HS6ST3: variants seen among roughly 807,000 people sequenced by gnomAD.
HS6ST3 encodes heparan sulfate 6-O-sulfotransferase 3, also known as heparan-sulfate 6-O-sulfotransferase 3.
A neutral mutation model predicts 36.7 loss-of-function variants in HS6ST3; 12 were observed. The observed-to-expected ratio is 0.33, with a 90% CI of 0.21 to 0.53. The LOEUF is 0.53. HS6ST3 is among the 20% of genes least tolerant of loss of function. HS6ST3 has a pLI of 0.95. For missense variants in HS6ST3, 584 were observed against 640.9 expected, an observed-to-expected ratio of 0.91 and a Z score of 0.96; for synonymous variants, 240 against 257.5, an observed-to-expected ratio of 0.93 and a Z score of 0.65.
At chr13:96,432,815 A>G (rs2055621987) in intron 1 of HS6ST3, among the ~76,000 whole-genome samples, 1 of 152,252 alleles carries the variant, frequency 6.6e-6, no homozygotes, top group Non-Finnish European at 1.5e-5. Flanking sequence ...TAACTTTATT[A>G]TCATGTTGCA....
Position 96,329,873 on chromosome 13 carries a change from G to T in HS6ST3, c.707+238304G>T, listed in dbSNP as rs1263045754. The stretch of plus-strand genomic sequence containing the variant: ...TTATGAATCTGGGTGCTCCTGTATT[G>T]GGTGCATATATATTTAGGATAGTTA... On this transcript the variant is annotated intron_variant, in intron 1 of 1. Coordinates refer to ENST00000376705, the MANE Select transcript of HS6ST3 (RefSeq NM_153456.4). Among the ~76,000 whole-genome samples the T allele has an allele frequency of 4.8e-3, 656 of 137,080 alleles. 1 individual carries two copies. The highest frequency in any genetic ancestry group is 0.023 in the East Asian group (102 of 4,456). 89.9% of individuals were successfully genotyped at this position (137,080 alleles called of 152,430 possible).
intron 1 of HS6ST3, among the ~76,000 whole-genome samples, chr13:96,821,925 A>AAT (rs1473716160): frequency 4.6e-5 from 7 of 152,230 alleles, no homozygotes; most frequent in African/African-American, 1.2e-4. Flanking sequence ...ATAGATTCTA[A>AAT]ATATTGGCAC....
At chr13:96,092,821 G>A (rs2053771374) in intron 1 of HS6ST3, among the ~76,000 whole-genome samples, 1 of 152,126 alleles carries the variant, frequency 6.6e-6, no homozygotes, top group Admixed American at 6.6e-5. Context: ...CAATTCTTCA[G>A]ATACTTTCCT....
At chr13:96,206,748 C>T (rs1000292854) in intron 1 of HS6ST3, among the ~76,000 whole-genome samples, 23 of 152,168 alleles carry the variant, frequency 1.5e-4, no homozygotes, top group East Asian at 1.2e-3. Context: ...GGACAACTGG[C>T]GAGCCATATG....
intron 1 of HS6ST3, among the ~76,000 whole-genome samples, chr13:96,140,033 T>C (rs1244774680): frequency 6.6e-6 from 1 of 152,030 alleles, no homozygotes; most frequent in Non-Finnish European, 1.5e-5. Flanking sequence ...CCGTGTAGCC[T>C]AGAAATTTCA....
At chr13:96,452,275 G>C (rs2055731810) in intron 1 of HS6ST3, among the ~76,000 whole-genome samples, 1 of 152,184 alleles carries the variant, frequency 6.6e-6, no homozygotes, top group South Asian at 2.1e-4. Context: ...CTGTCTTTTG[G>C]AACAATATTG....
Position 96,706,423 on chromosome 13 carries a change from A to ATG in HS6ST3, c.708-126066_708-126065insGT, listed in dbSNP as rs71834216. Among the ~76,000 whole-genome samples the ATG allele has an allele frequency of 2.3e-5, 3 of 127,884 alleles. No individual in the cohort carries two copies. The East Asian group carries it at 6.0e-4, about 26-fold the overall frequency. 83.9% of individuals were successfully genotyped at this position (127,884 alleles called of 152,430 possible). ...ATAATAGAATATATTTTATATATAT[A>ATG]TATATATATATATATATAATCAGGG... On this transcript the variant is annotated intron_variant, in intron 1 of 1. Coordinates refer to ENST00000376705, the MANE Select transcript of HS6ST3 (RefSeq NM_153456.4).
intron 1 of HS6ST3, among the ~76,000 whole-genome samples, chr13:96,543,192 C>A (rs997971356): frequency 3.9e-5 from 6 of 152,158 alleles, no homozygotes; most frequent in African/African-American, 1.4e-4. Context: ...CAGCTCCCAG[C>A]AGTGCATTTC....
chr13:96,467,375 G>A (rs572123133), intron 1 of HS6ST3, among the ~76,000 whole-genome samples: 7 of 152,224 alleles, frequency 4.6e-5, no homozygotes, highest in South Asian at 2.1e-4. Context: ...AATTAGTCTC[G>A]TAGGAAAAGA....
intron 1 of HS6ST3, among the ~76,000 whole-genome samples, chr13:96,593,109 G>GTATGCTTCATTGTT (rs2056388482): frequency 6.8e-6 from 1 of 147,268 alleles, no homozygotes; most frequent in African/African-American, 2.5e-5. Flanking sequence ...AATTTTGTAA[G>GTATGCTTCATTGTT]TATGCTTCAT....
At chr13:96,313,165 G>A (rs2054950361) in intron 1 of HS6ST3, among the ~76,000 whole-genome samples, 1 of 151,948 alleles carries the variant, frequency 6.6e-6, no homozygotes. Context: ...CTGCCTCGAG[G>A]TAGCTGCTGG....
At chr13:96,632,801 T>G (rs2139001753) in intron 1 of HS6ST3, among the ~76,000 whole-genome samples, 1 of 152,328 alleles carries the variant, frequency 6.6e-6, no homozygotes, top group Middle Eastern at 3.4e-3. Context: ...GGAACTTTGA[T>G]AGTTCAGGCT....
chr13:96,781,414 A>T (rs925979110), intron 1 of HS6ST3, among the ~76,000 whole-genome samples: 9 of 152,222 alleles, frequency 5.9e-5, no homozygotes, highest in African/African-American at 2.2e-4. Flanking sequence ...TCTACATAGC[A>T]GGCTTGAGCC....
At chr13:96,588,233 T>C (rs1237811331) in intron 1 of HS6ST3, among the ~76,000 whole-genome samples, 1 of 151,862 alleles carries the variant, frequency 6.6e-6, no homozygotes, top group African/African-American at 2.4e-5. Context: ...TTTTCTTGCT[T>C]AACTACTCTA....
intron 1 of HS6ST3, among the ~76,000 whole-genome samples, chr13:96,128,213 T>C (rs2053960613): frequency 6.6e-6 from 1 of 152,204 alleles, no homozygotes; most frequent in East Asian, 1.9e-4. Context: ...ACGGGTGGGA[T>C]CAAAACTTTC....
intron 1 of HS6ST3, among the ~76,000 whole-genome samples, chr13:96,621,556 A>T (rs2056495195): frequency 6.6e-6 from 1 of 152,132 alleles, no homozygotes; most frequent in African/African-American, 2.4e-5. Context: ...TTATAGTGTG[A>T]AAACAGGCTA....
intron 1 of HS6ST3, among the ~76,000 whole-genome samples, chr13:96,680,482 A>C (rs2056714651): frequency 6.6e-6 from 1 of 152,124 alleles, no homozygotes; most frequent in Non-Finnish European, 1.5e-5. Flanking sequence ...TGTACCCTGG[A>C]GGACCCTTTA....
intron 1 of HS6ST3, among the ~76,000 whole-genome samples, chr13:96,312,645 G>A (rs532905924): frequency 1.3e-5 from 2 of 152,128 alleles, no homozygotes; most frequent in South Asian, 4.1e-4. Flanking sequence ...AGCTGTATAT[G>A]CATTTAGAAT....
chr13:96,622,713 T>C (rs1010566464), intron 1 of HS6ST3, among the ~76,000 whole-genome samples: 2 of 152,156 alleles, frequency 1.3e-5, no homozygotes, highest in Non-Finnish European at 2.9e-5. Context: ...AATGATTAAG[T>C]TTTTGCCTTT....
Sources: allele counts gnomAD v4.1 joint callset (sites outside exome capture counted in the v4.1 genomes callset), GRCh38; gene constraint gnomAD v4.1.1; transcripts MANE v1.5; gene names NCBI Gene and HGNC (gene_info 2026-07-23, HGNC 2026-07-21).